Variants in ARHGAP42 observed in about 807,000 individuals in gnomAD.
ARHGAP42 encodes rho GTPase-activating protein 42.
Under a neutral mutation model 125.0 loss-of-function variants are expected in ARHGAP42, and 63 were observed. That is an observed-to-expected ratio of 0.50 (90% CI 0.41 to 0.62). The LOEUF (loss-of-function observed/expected upper bound fraction) is 0.62, where lower values mean the gene tolerates loss of function less well. Among genes scored for constraint, ARHGAP42 ranks in the 20% least tolerant of loss-of-function variants. ARHGAP42 has a pLI of 0.00. For synonymous variants in ARHGAP42, 339 were observed against 351.0 expected, an observed-to-expected ratio of 0.97 and a Z score of 0.38; for missense variants, 766 against 1,024.2, an observed-to-expected ratio of 0.75 and a Z score of 3.44.
At chr11:100,982,124 T>C (rs1858559913) in intron 22 of ARHGAP42, among the ~76,000 whole-genome samples, 2 of 152,186 alleles carry the variant, frequency 1.3e-5, no homozygotes. Flanking sequence ...AGCATTGGTC[T>C]TTGGGGAATG....
intron 4 of ARHGAP42, among the ~76,000 whole-genome samples, chr11:100,903,352 G>T (rs1866614924): frequency 6.6e-6 from 1 of 151,588 alleles, no homozygotes; most frequent in East Asian, 1.9e-4. Context: ...TCTATGTTAT[G>T]CCTAGTATTT....
At chr11:100,901,360 T>C (rs1376272402) in intron 4 of ARHGAP42, among the ~76,000 whole-genome samples, 1 of 152,200 alleles carries the variant, frequency 6.6e-6, no homozygotes, top group Non-Finnish European at 1.5e-5. Flanking sequence ...TTAGGCTACA[T>C]GGGGGTCAGA....
At chr11:100,773,524 A>G (rs770653766) in intron 2 of ARHGAP42, among the ~76,000 whole-genome samples, 3 of 152,236 alleles carry the variant, frequency 2.0e-5, no homozygotes, top group Non-Finnish European at 4.4e-5. Flanking sequence ...TTAAGAGTAC[A>G]GAAAACATCT....
intron 22 of ARHGAP42, among the ~76,000 whole-genome samples, chr11:100,979,700 T>TG (rs1858481949): frequency 1.1e-5 from 1 of 88,004 alleles, no homozygotes; most frequent in Non-Finnish European, 2.4e-5. Flanking sequence ...GGCTTTTCAT[T>TG]ATTTTTTTTT....
At chr11:100,980,568 T>C (rs1405156430) in intron 22 of ARHGAP42, among the ~76,000 whole-genome samples, 3,269 of 82,758 alleles carry the variant, frequency 0.04, 242 homozygotes, top group African/African-American at 0.11. Flanking sequence ...TCTTTTTTTT[T>C]TTTTTTTTTT....
intron 4 of ARHGAP42, among the ~76,000 whole-genome samples, chr11:100,880,782 G>A (rs915463678): frequency 1.3e-5 from 2 of 152,066 alleles, no homozygotes; most frequent in South Asian, 2.1e-4. Flanking sequence ...TTTTGATTGT[G>A]TCCATTCTTG....
chr11:100,852,562 C>G (rs758017928), intron 3 of ARHGAP42, among the ~76,000 whole-genome samples: 10 of 152,106 alleles, frequency 6.6e-5, no homozygotes, highest in African/African-American at 9.7e-5. Context: ...AAGCTCCCTC[C>G]CCTTGCTCCC....
intron 3 of ARHGAP42, among the ~76,000 whole-genome samples, chr11:100,855,558 A>C (rs543661568): frequency 2.7e-4 from 41 of 152,236 alleles, no homozygotes; most frequent in Middle Eastern, 3.4e-3. Flanking sequence ...ATTCATGATT[A>C]TGTGGGGGAA....
chr11:100,800,481 A>T (rs1196750879), intron 3 of ARHGAP42, among the ~76,000 whole-genome samples: 1 of 152,128 alleles, frequency 6.6e-6, no homozygotes, highest in Non-Finnish European at 1.5e-5. Flanking sequence ...AGAGATTTGG[A>T]TGTTTTATGG....
At chr11:100,790,766 C>G (rs1276388830) in intron 2 of ARHGAP42, among the ~76,000 whole-genome samples, 4 of 152,128 alleles carry the variant, frequency 2.6e-5, no homozygotes, top group Non-Finnish European at 5.9e-5. Context: ...ATATCTCTGA[C>G]TAAACCAAGT....
At chr11:100,871,555 AAAAAAAG>A (rs1192920429) in intron 4 of ARHGAP42, among the ~76,000 whole-genome samples, 1 of 151,492 alleles carries the variant, frequency 6.6e-6, no homozygotes, top group African/African-American at 2.4e-5. Flanking sequence ...TAAAAAAAAA[AAAAAAAG>A]AAAAAAGAAA....
intron 3 of ARHGAP42, among the ~76,000 whole-genome samples, chr11:100,857,927 A>C (rs1865359260): frequency 1.3e-5 from 2 of 152,100 alleles, no homozygotes; most frequent in South Asian, 4.1e-4. Context: ...GACTTATTGC[A>C]ATTTCCAGCA....
At chr11:100,918,671 T>C (rs1867147166) in intron 5 of ARHGAP42, among the ~76,000 whole-genome samples, 1 of 152,202 alleles carries the variant, frequency 6.6e-6, no homozygotes, top group Non-Finnish European at 1.5e-5. Context: ...AAGAATGTCT[T>C]TCTATATCTT....
At chr11:100,983,608 A>G (rs2135331765) in intron 22 of ARHGAP42, among the ~76,000 whole-genome samples, 2 of 152,310 alleles carry the variant, frequency 1.3e-5, no homozygotes, top group South Asian at 4.1e-4. Context: ...AAAATTGTTG[A>G]ATGAGTAAAT....
chr11:100,884,038 A>G lies in ARHGAP42; in HGVS notation c.384+24413A>G, dbSNP rs559211168. On this transcript the variant is annotated intron_variant, in intron 4 of 23. Transcript: ENST00000298815. ...TTTTATGAGTCATGCTACCTTAGGC[A>G]TAATTAGAATAAGACCGCACACAGT... is the stretch of plus-strand genomic sequence containing the variant. 6.0e-4 allele frequency among the ~76,000 whole-genome samples: 91 copies of G among 152,368 alleles called. No homozygotes were observed. The South Asian group carries it at 0.011, about 18-fold the overall frequency.
intron 1 of ARHGAP42, among the ~76,000 whole-genome samples, chr11:100,741,133 C>A (rs541691346): frequency 2.6e-5 from 4 of 152,144 alleles, no homozygotes; most frequent in Non-Finnish European, 4.4e-5. Context: ...TGGGTTCAAG[C>A]GATTCTCCTG....
intron 14 of ARHGAP42, 53 bp from the exon 15 acceptor site, chr11:100,961,631 A>G: frequency 1.4e-6 from 2 of 1,476,212 alleles, no homozygotes; most frequent in South Asian, 1.2e-5. Context: ...TCATAATTGC[A>G]TAAGAAATAT....
At chr11:100,763,544 G>C (rs960326051) in intron 1 of ARHGAP42, among the ~76,000 whole-genome samples, 1 of 152,020 alleles carries the variant, frequency 6.6e-6, no homozygotes, top group Non-Finnish European at 1.5e-5. Flanking sequence ...CTGGAGTGCA[G>C]TGGCATGATC....
At position 100,961,730 on chromosome 11, in the gene ARHGAP42, C is replaced by T; in HGVS notation, c.1347C>T (p.Asp449=). The T allele has an allele frequency of 6.4e-7, 1 of 1,551,652 alleles. No homozygotes were observed. Among genetic ancestry groups the T allele is most frequent in the South Asian group, 1.2e-5 (1 of 84,042 alleles). Residue 449 remains aspartate (D), a synonymous_variant, in exon 15 of 24, where the codon GAC becomes GAT. Coordinates refer to ENST00000298815, the MANE Select transcript of ARHGAP42 (RefSeq NM_152432.4). Reference sequence around the variant, plus strand: ...TTGATATTGATATTGAACTGTGGGACAATAAGACGATAACAAGTGGGCTGA... The same window carrying T: ...TTGATATTGATATTGAACTGTGGGATAATAAGACGATAACAAGTGGGCTGA... ...PDIDIDIELW[D]NKTITSGLKN...
Sources: allele counts gnomAD v4.1 joint callset (sites outside exome capture counted in the v4.1 genomes callset), GRCh38; gene constraint gnomAD v4.1.1; transcripts MANE v1.5; gene names NCBI Gene and HGNC (gene_info 2026-07-23, HGNC 2026-07-21).